FAM13C: variants seen among roughly 807,000 people sequenced by gnomAD.
FAM13C encodes protein FAM13C.
A neutral mutation model predicts 73.2 loss-of-function variants in FAM13C; 37 were observed. That is an observed-to-expected ratio of 0.51 (90% CI 0.39 to 0.67). FAM13C has a LOEUF of 0.67. Among genes scored for constraint, FAM13C ranks in the 30% least tolerant of loss-of-function variants. The pLI is 0.00. For missense variants in FAM13C, 589 were observed against 715.6 expected (o/e 0.82, Z 2.02); for synonymous variants, 246 against 260.9 (o/e 0.94, Z 0.55).
At chr10:59,331,506 T>C (rs1292813872) in intron 3 of FAM13C, among the ~76,000 whole-genome samples, 1 of 152,168 alleles carries the variant, frequency 6.6e-6, no homozygotes, top group Non-Finnish European at 1.5e-5. Flanking sequence ...CCTCTAAGTA[T>C]GAAGACCTAC....
chr10:59,342,461 CA>C (rs1284562518), intron 3 of FAM13C, among the ~76,000 whole-genome samples: 2 of 152,084 alleles, frequency 1.3e-5, no homozygotes, highest in Non-Finnish European at 2.9e-5. Flanking sequence ...TCATGCCATT[CA>C]TTTTTGATAG....
chr10:59,313,784 C>T (rs982890229), intron 4 of FAM13C, among the ~76,000 whole-genome samples: 28 of 152,218 alleles, frequency 1.8e-4, no homozygotes, highest in Non-Finnish European at 3.1e-4. Flanking sequence ...CAAAAGCAAA[C>T]TAGAGCTTGT....
chr10:59,258,629 T>G (rs1842170771), intron 10 of FAM13C, among the ~76,000 whole-genome samples: 1 of 152,184 alleles, frequency 6.6e-6, no homozygotes, highest in South Asian at 2.1e-4. Context: ...GGCAGTTGGT[T>G]TGGGAAGGAG....
rs17830758 is a variant in FAM13C at position 59,262,844 on chromosome 10, G to A, written c.1025-199C>T. Reference sequence around the variant, plus strand: ...AATCGGGTGTGAAAACAGGGCTCTAGAGGCTAGGATCTCATGGAGGTGGAG... The same window carrying A: ...AATCGGGTGTGAAAACAGGGCTCTAAAGGCTAGGATCTCATGGAGGTGGAG... On this transcript the variant is annotated intron_variant, in intron 9 of 13. Coordinates refer to ENST00000618804, the MANE Select transcript of FAM13C (RefSeq NM_198215.4). Among the ~76,000 whole-genome samples, 693 of 152,272 alleles carry A rather than the reference G, an allele frequency of 4.6e-3. 2 individuals carry two copies. The highest frequency in any genetic ancestry group is 8.4e-3 in the Non-Finnish European group (572 of 68,020).
intron 5 of FAM13C, among the ~76,000 whole-genome samples, chr10:59,294,291 GA>G (rs1471117187): frequency 4.6e-5 from 7 of 152,146 alleles, no homozygotes; most frequent in Admixed American, 4.6e-4. Context: ...ATGAAAGAAT[GA>G]GCAACAAGAA....
At chr10:59,298,869 G>A (rs1847226312) in intron 5 of FAM13C, among the ~76,000 whole-genome samples, 1 of 152,092 alleles carries the variant, frequency 6.6e-6, no homozygotes, top group Non-Finnish European at 1.5e-5. Flanking sequence ...AAATTGAAAG[G>A]CCTCAATACT....
chr10:59,355,795 T>C (rs1855637680), intron 2 of FAM13C, 92 bp downstream of exon 2: 3 of 1,227,262 alleles, frequency 2.4e-6, no homozygotes, highest in East Asian at 4.7e-5. Context: ...ATAATTGGAA[T>C]TCAAAGAAGA....
At chr10:59,307,123 A>G (rs1848344965) in intron 4 of FAM13C, among the ~76,000 whole-genome samples, 1 of 152,070 alleles carries the variant, frequency 6.6e-6, no homozygotes, top group Non-Finnish European at 1.5e-5. Context: ...GCAATTCATG[A>G]GTTCAGATTT....
At chr10:59,280,775 G>A (rs1008117391) in intron 6 of FAM13C, among the ~76,000 whole-genome samples, 10 of 152,176 alleles carry the variant, frequency 6.6e-5, no homozygotes, top group Non-Finnish European at 1.3e-4. Context: ...TCTAGGACAG[G>A]GGAGCATGTC....
upstream of FAM13C, chr10:59,362,631 C>T: frequency 7.1e-7 from 1 of 1,418,042 alleles, no homozygotes; most frequent in Non-Finnish European, 9.2e-7. Flanking sequence ...GGCCCAGCGG[C>T]ACGGGCGAAC....
chr10:59,334,091 A>AAGAGAT (rs1852388066), intron 3 of FAM13C, among the ~76,000 whole-genome samples: 1 of 152,186 alleles, frequency 6.6e-6, no homozygotes, highest in Admixed American at 6.5e-5. Flanking sequence ...TGAGAGAGAC[A>AAGAGAT]AGAGATGGCA....
chr10:59,334,505 A>C (rs2134126982), intron 3 of FAM13C, among the ~76,000 whole-genome samples: 1 of 152,296 alleles, frequency 6.6e-6, no homozygotes, highest in Non-Finnish European at 1.5e-5. Flanking sequence ...CTTGGAACCA[A>C]GCCAAATGTC....
intron 13 of FAM13C, among the ~76,000 whole-genome samples, chr10:59,249,843 C>T (rs1841199084): frequency 6.6e-6 from 1 of 152,118 alleles, no homozygotes; most frequent in African/African-American, 2.4e-5. Context: ...GTTTAAGACT[C>T]ATAGGTGCAG....
Position 59,252,984 on chromosome 10 carries a change from G to A in FAM13C, c.1347C>T (p.Asp449=), listed in dbSNP as rs1265944004. The A allele has an allele frequency of 1.2e-6, 2 of 1,613,542 alleles. No individual in the cohort carries two copies. The highest frequency in any genetic ancestry group is 2.7e-5 in the African/African-American group (2 of 75,014). The change falls in exon 12 of 14, where the codon GAC becomes GAT. Residue 449 remains aspartate (D), a synonymous_variant. Coordinates refer to ENST00000618804, the MANE Select transcript of FAM13C (RefSeq NM_198215.4). The stretch of plus-strand genomic sequence containing the variant: ...TTCCCTGTGGACGGTCTTCATCAGA[G>A]TCCTCTTCCTCCTGCTTATCACAGG... ...SLIPTIQEEE[D]SDEDRPQGSQ...
chr10:59,307,331 AC>A (rs1358288395), intron 4 of FAM13C, among the ~76,000 whole-genome samples: 2 of 152,158 alleles, frequency 1.3e-5, no homozygotes, highest in African/African-American at 4.8e-5. Context: ...TAGGCAACGT[AC>A]CTAGAAGCTT....
chr10:59,251,052 G>T (rs1308184795), intron 13 of FAM13C: 1 of 154,696 alleles, frequency 6.5e-6, no homozygotes, highest in Non-Finnish European at 1.4e-5. Context: ...GAAAAATAGA[G>T]GACAGATGAT....
chr10:59,307,665 A>G (rs1403834028), intron 4 of FAM13C, among the ~76,000 whole-genome samples: 1 of 152,184 alleles, frequency 6.6e-6, no homozygotes, highest in African/African-American at 2.4e-5. Context: ...TTATATTCTC[A>G]CGGAAGGATA....
intron 5 of FAM13C, among the ~76,000 whole-genome samples, chr10:59,299,039 T>C (rs1847254174): frequency 6.6e-6 from 1 of 152,130 alleles, no homozygotes; most frequent in African/African-American, 2.4e-5. Context: ...AAATCAGTTC[T>C]GGTGGTTTAT....
At chr10:59,340,719 GA>G (rs1564609958) in intron 3 of FAM13C, among the ~76,000 whole-genome samples, 1 of 150,542 alleles carries the variant, frequency 6.6e-6, no homozygotes, top group Admixed American at 6.6e-5. Context: ...GGTAACCAGT[GA>G]AAAAAAATAA....
Sources: gnomAD v4.1 joint callset for allele counts (sites outside exome capture counted in the v4.1 genomes callset) on GRCh38, gnomAD v4.1.1 for gene constraint, MANE v1.5 for transcripts, NCBI Gene and HGNC (gene_info 2026-07-23, HGNC 2026-07-21) for gene names.